LGSN: variants seen among roughly 807,000 people sequenced by gnomAD.
LGSN encodes the protein lengsin, lens protein with glutamine synthetase domain, also known as lengsin.
LGSN carries 21 observed loss-of-function variants against 19.5 expected under a neutral mutation model. The ratio of observed to expected loss-of-function variants is 1.07; its 90% CI spans 0.76 to 1.55. The LOEUF (loss-of-function observed/expected upper bound fraction) is 1.55. Among genes scored for constraint, LGSN ranks in the 40% most tolerant of loss-of-function variants. The probability of loss-of-function intolerance (pLI) is 0.00; values close to 1 mark genes in which losing one functional copy is unlikely to be tolerated. For missense variants in LGSN, 673 were observed against 608.5 expected (o/e 1.11, Z -1.12); for synonymous variants, 257 against 215.6 (o/e 1.19, Z -1.68).
chr6:63,341,294 T>C, the LGSN span, among the ~76,000 whole-genome samples: 448 of 152,294 alleles, frequency 2.9e-3, 3 homozygotes, highest in African/African-American at 0.01. Flanking sequence ...ACAGCATGCA[T>C]GAGCACCACT....
At chr6:63,519,556 C>T in the LGSN span, among the ~76,000 whole-genome samples, 1 of 152,100 alleles carries the variant, frequency 6.6e-6, no homozygotes, top group Non-Finnish European at 1.5e-5. Context: ...AGGGTAAAGA[C>T]ACCACATATG....
At chr6:63,564,162 G>C in the LGSN span, among the ~76,000 whole-genome samples, 1 of 151,872 alleles carries the variant, frequency 6.6e-6, no homozygotes, top group African/African-American at 2.4e-5. Context: ...GGTAATCCTA[G>C]CTGCTTGGGA....
the LGSN span, among the ~76,000 whole-genome samples, chr6:63,420,943 T>C: frequency 1.3e-5 from 2 of 150,856 alleles, no homozygotes; most frequent in Non-Finnish European, 1.5e-5. Context: ...ATAAAGAAAA[T>C]GAAGAAAAAT....
the LGSN span, among the ~76,000 whole-genome samples, chr6:63,470,393 G>C: frequency 6.6e-6 from 1 of 151,610 alleles, no homozygotes; most frequent in African/African-American, 2.4e-5. Flanking sequence ...AGAATAGCTT[G>C]AACCCAGGCG....
chr6:63,485,862 G>A, the LGSN span, among the ~76,000 whole-genome samples: 1 of 152,086 alleles, frequency 6.6e-6, no homozygotes, highest in African/African-American at 2.4e-5. Flanking sequence ...CTGAGTAGCT[G>A]GGACTATGGA....
chr6:63,451,985 GA>G, the LGSN span, among the ~76,000 whole-genome samples: 2 of 150,492 alleles, frequency 1.3e-5, no homozygotes, highest in Non-Finnish European at 3.0e-5. Context: ...TGATTAGAAG[GA>G]AAAAAATACT....
the LGSN span, among the ~76,000 whole-genome samples, chr6:63,484,547 G>A: frequency 1.3e-5 from 2 of 151,860 alleles, no homozygotes; most frequent in African/African-American, 4.8e-5. Flanking sequence ...AAAAATCCCA[G>A]AAGACTACCC....
At chr6:63,372,982 G>A in the LGSN span, among the ~76,000 whole-genome samples, 1 of 152,106 alleles carries the variant, frequency 6.6e-6, no homozygotes, top group Non-Finnish European at 1.5e-5. Flanking sequence ...TTTGGGCTCA[G>A]TCTCATGTTT....
At chr6:63,422,002 G>T in the LGSN span, among the ~76,000 whole-genome samples, 2 of 152,118 alleles carry the variant, frequency 1.3e-5, no homozygotes, top group African/African-American at 2.4e-5. Flanking sequence ...CAAACCCAAA[G>T]AAACCCACAG....
Position 63,279,259 on chromosome 6 carries a change from A to G in LGSN, c.*762T>C, listed in dbSNP as rs1767195049. 2.0e-5 allele frequency: 3 copies of G among 152,206 alleles called. No homozygotes were observed. Among genetic ancestry groups the G allele is most frequent in the Non-Finnish European group, 2.9e-5 (2 of 68,042 alleles). The allele number at this position is 152,206 out of a possible 1,614,324, so 9.4% of individuals were successfully genotyped here. The stretch of plus-strand genomic sequence containing the variant: ...AGCCCACCTACCCTCACACACAAAC[A>G]TCTTTCTATCTATACTTTGTGTATT... On this transcript the variant is annotated 3_prime_UTR_variant, in exon 4 of 4. Coordinates refer to ENST00000370657, the MANE Select transcript of LGSN (RefSeq NM_016571.3).
chr6:63,522,469 G>T, the LGSN span, among the ~76,000 whole-genome samples: 3 of 152,190 alleles, frequency 2.0e-5, no homozygotes, highest in Admixed American at 2.0e-4. Context: ...AAATGCCAGA[G>T]CTCTTTATCA....
At chr6:63,485,120 T>C in the LGSN span, among the ~76,000 whole-genome samples, 5 of 152,080 alleles carry the variant, frequency 3.3e-5, no homozygotes, top group Non-Finnish European at 7.4e-5. Context: ...TTGTACAGAT[T>C]ATTTCATCAC....
the LGSN span, among the ~76,000 whole-genome samples, chr6:63,429,951 G>A: frequency 0.47 from 72,015 of 151,892 alleles, 18,334 homozygotes; most frequent in Non-Finnish European, 0.54. Context: ...AGGAATAAAG[G>A]GAACTGTTCA....
the LGSN span, among the ~76,000 whole-genome samples, chr6:63,447,746 T>G: frequency 6.6e-6 from 1 of 152,190 alleles, no homozygotes; most frequent in Non-Finnish European, 1.5e-5. Flanking sequence ...ACAATAACTT[T>G]TATGTCAAAA....
the LGSN span, among the ~76,000 whole-genome samples, chr6:63,503,580 A>G: frequency 1.3e-5 from 2 of 152,198 alleles, no homozygotes; most frequent in African/African-American, 4.8e-5. Context: ...GGGCTAAGAA[A>G]GTATAGGTCT....
chr6:63,385,686 C>G, the LGSN span, among the ~76,000 whole-genome samples: 49 of 152,286 alleles, frequency 3.2e-4, no homozygotes, highest in Non-Finnish European at 6.2e-4. Flanking sequence ...GCATTAGACT[C>G]TCAATTGTCC....
chr6:63,366,843 G>A, the LGSN span, among the ~76,000 whole-genome samples: 116 of 151,246 alleles, frequency 7.7e-4, no homozygotes, highest in African/African-American at 2.7e-3. Context: ...ATGGGGAAAG[G>A]ATTCCCTATT....
At chr6:63,476,695 G>A in the LGSN span, among the ~76,000 whole-genome samples, 1 of 152,148 alleles carries the variant, frequency 6.6e-6, no homozygotes, top group East Asian at 1.9e-4. Flanking sequence ...AAGAGCACAG[G>A]AAGCAAACAT....
At chr6:63,351,600 G>A in the LGSN span, among the ~76,000 whole-genome samples, 3 of 152,038 alleles carry the variant, frequency 2.0e-5, no homozygotes, top group East Asian at 5.8e-4. Context: ...GGGATTACAG[G>A]TGCCCGCCAC....
Sources: gnomAD v4.1 joint callset for allele counts (sites outside exome capture counted in the v4.1 genomes callset) on GRCh38, gnomAD v4.1.1 for gene constraint, MANE v1.5 for transcripts, NCBI Gene and HGNC (gene_info 2026-07-23, HGNC 2026-07-21) for gene names.